The following GPC6 variants were observed in gnomAD, a reference collection of about 807,000 sequenced individuals.
GPC6 encodes the protein glypican-6.
In GPC6, 14 loss-of-function variants were observed where a neutral mutation model predicts 55.2. That is an observed-to-expected ratio of 0.25 (90% CI 0.17 to 0.40). The LOEUF is 0.40. Ranked by LOEUF, GPC6 falls within the 10% of genes least tolerant of loss-of-function variation. GPC6 has a pLI of 1.00. For synonymous variants in GPC6, 278 were observed against 259.6 expected, an observed-to-expected ratio of 1.07 and a Z score of -0.68; for missense variants, 641 against 708.5, an observed-to-expected ratio of 0.90 and a Z score of 1.08.
chr13:94,139,298 A>G (rs1291417651), intron 4 of GPC6, among the ~76,000 whole-genome samples: 1 of 152,150 alleles, frequency 6.6e-6, no homozygotes, highest in Non-Finnish European at 1.5e-5. Flanking sequence ...TTATTCTTAT[A>G]CCCCATACAT....
chr13:93,284,250 A>T (rs1261021323), intron 1 of GPC6, among the ~76,000 whole-genome samples: 2 of 152,236 alleles, frequency 1.3e-5, no homozygotes, highest in Non-Finnish European at 2.9e-5. Context: ...GCACGGCAGC[A>T]GTGCAGTTAG....
chr13:93,633,727 A>C (rs1879579612), intron 2 of GPC6, among the ~76,000 whole-genome samples: 1 of 152,130 alleles, frequency 6.6e-6, no homozygotes. Context: ...AAGCAAGAAT[A>C]GAAGGAAAGG....
intron 2 of GPC6, among the ~76,000 whole-genome samples, chr13:93,722,476 T>A (rs1477770703): frequency 6.6e-6 from 1 of 151,796 alleles, no homozygotes; most frequent in Non-Finnish European, 1.5e-5. Flanking sequence ...AAGACCTAAG[T>A]CTTACTAGTG....
At chr13:94,310,659 T>C (rs957169801) in intron 6 of GPC6, among the ~76,000 whole-genome samples, 2 of 152,156 alleles carry the variant, frequency 1.3e-5, no homozygotes, top group Admixed American at 1.3e-4. Context: ...CCACTATCCC[T>C]TTCCAAATTA....
At chr13:93,845,710 A>C (rs1241054761) in intron 3 of GPC6, among the ~76,000 whole-genome samples, 7 of 149,366 alleles carry the variant, frequency 4.7e-5, no homozygotes, top group African/African-American at 1.5e-4. Context: ...GGAAATCATC[A>C]TTCTCAGTAA....
chr13:93,939,485 C>G (rs1878614964), intron 3 of GPC6, among the ~76,000 whole-genome samples: 1 of 151,522 alleles, frequency 6.6e-6, no homozygotes, highest in African/African-American at 2.4e-5. Context: ...TTATATCTCA[C>G]TTGTTTGCAT....
intron 7 of GPC6, among the ~76,000 whole-genome samples, chr13:94,396,174 TG>T (rs1239668028): frequency 6.6e-6 from 1 of 152,218 alleles, no homozygotes; most frequent in East Asian, 1.9e-4. Flanking sequence ...CTCTCTGGGC[TG>T]GTTTCCTTTA....
intron 4 of GPC6, among the ~76,000 whole-genome samples, chr13:94,150,840 A>ATAT (rs1555301329): frequency 1.4e-5 from 2 of 146,314 alleles, no homozygotes; most frequent in African/African-American, 2.6e-5. Flanking sequence ...ATGTTTATTG[A>ATAT]ATGAGTAAAT....
chr13:94,160,749 C>T (rs1381505756), intron 4 of GPC6, among the ~76,000 whole-genome samples: 5 of 152,108 alleles, frequency 3.3e-5, no homozygotes, highest in Admixed American at 1.3e-4. Flanking sequence ...CTTTTTTCTT[C>T]GTTTCGTTCA....
intron 2 of GPC6, among the ~76,000 whole-genome samples, chr13:93,552,973 G>T (rs989319679): frequency 6.6e-6 from 1 of 152,114 alleles, no homozygotes; most frequent in South Asian, 2.1e-4. Flanking sequence ...ATTTAATGGG[G>T]ATGTAAATTA....
At chr13:93,562,348 T>A (rs995168595) in intron 2 of GPC6, among the ~76,000 whole-genome samples, 2 of 152,112 alleles carry the variant, frequency 1.3e-5, no homozygotes, top group Admixed American at 6.6e-5. Flanking sequence ...TTTAAACGTA[T>A]AACATATGAA....
chr13:93,927,544 A>G (rs1877924860), intron 3 of GPC6, among the ~76,000 whole-genome samples: 1 of 152,156 alleles, frequency 6.6e-6, no homozygotes, highest in Non-Finnish European at 1.5e-5. Context: ...AAGACCAAAG[A>G]TATGCAGAGT....
Position 94,271,382 on chromosome 13 carries a change from G to GCACACACACA in GPC6, c.878-14949_878-14940dup, listed in dbSNP as rs60762188. Among the ~76,000 whole-genome samples, 393 of 126,754 alleles carry GCACACACACA rather than the reference G, an allele frequency of 3.1e-3. 2 individuals carry two copies. Among genetic ancestry groups the GCACACACACA allele is most frequent in the Non-Finnish European group, 3.5e-3 (198 of 57,290 alleles). The allele number at this position is 126,754 out of a possible 152,430, so 83.2% of individuals were successfully genotyped here. On this transcript the variant is annotated intron_variant, in intron 4 of 8. Transcript: ENST00000377047. The stretch of plus-strand genomic sequence containing the variant: ...CACACACACACGCGCGCGCGCGCGC[G>GCACACACACA]CACACACACACACACACACACACAC...
chr13:94,161,950 A>G (rs146807504), intron 4 of GPC6, among the ~76,000 whole-genome samples: 113 of 152,222 alleles, frequency 7.4e-4, no homozygotes, highest in African/African-American at 2.1e-3. Context: ...GAGCCAAGCA[A>G]AAGGGGAAAC....
At chr13:93,506,848 G>GGC (rs1880737328) in intron 1 of GPC6, among the ~76,000 whole-genome samples, 1 of 148,324 alleles carries the variant, frequency 6.7e-6, no homozygotes, top group African/African-American at 2.5e-5. Context: ...AATCCATCCT[G>GGC]GCTAACACGG....
Position 93,889,022 on chromosome 13 carries a change from A to C in GPC6, c.711+58477A>C, listed in dbSNP as rs188529260. On this transcript the variant is annotated intron_variant, in intron 3 of 8. Coordinates refer to ENST00000377047, the MANE Select transcript of GPC6 (RefSeq NM_005708.5). ...ATTGAACCCAAACACTAGCAAAAAG[A>C]AAAAAGTAAACTGAAACCATTAAAA... 8.7e-4 allele frequency among the ~76,000 whole-genome samples: 133 copies of C among 152,292 alleles called. 1 individual carries two copies. The highest frequency in any genetic ancestry group is 3.1e-3 in the African/African-American group (127 of 41,574).
At chr13:93,277,693 A>G (rs1409588936) in intron 1 of GPC6, among the ~76,000 whole-genome samples, 2 of 152,166 alleles carry the variant, frequency 1.3e-5, no homozygotes, top group Non-Finnish European at 2.9e-5. Flanking sequence ...AACTTTTTAA[A>G]AATAGAATAA....
At chr13:94,369,471 T>C (rs1356455585) in intron 6 of GPC6, among the ~76,000 whole-genome samples, 2 of 152,150 alleles carry the variant, frequency 1.3e-5, no homozygotes, top group African/African-American at 4.8e-5. Flanking sequence ...AAAGCAATAA[T>C]GGAGTTCACA....
chr13:93,234,458 T>C (rs1876165196), intron 1 of GPC6, among the ~76,000 whole-genome samples: 1 of 152,148 alleles, frequency 6.6e-6, no homozygotes, highest in South Asian at 2.1e-4. Context: ...CAGGATTGGA[T>C]ACAGTTTTGA....
Sources: gnomAD v4.1 joint callset for allele counts (sites outside exome capture counted in the v4.1 genomes callset) on GRCh38, gnomAD v4.1.1 for gene constraint, MANE v1.5 for transcripts, NCBI Gene and HGNC (gene_info 2026-07-23, HGNC 2026-07-21) for gene names.